LUZP2: variants seen among roughly 807,000 people sequenced by gnomAD.
LUZP2 encodes the protein leucine zipper protein 2.
LUZP2 carries 52 observed loss-of-function variants against 51.6 expected under a neutral mutation model. That is an observed-to-expected ratio of 1.01 (90% confidence interval 0.81 to 1.27). LUZP2 has a LOEUF of 1.27. Among genes scored for constraint, LUZP2 ranks in the 50% most tolerant of loss-of-function variants. LUZP2 has a pLI of 0.00. For synonymous variants in LUZP2, 154 were observed against 137.3 expected (o/e 1.12, Z -0.85); for missense variants, 436 against 395.4 (o/e 1.10, Z -0.87).
intron 5 of LUZP2, chr11:24,831,923 G>T (rs1050426255): frequency 1.3e-5 from 2 of 152,498 alleles, no homozygotes; most frequent in Non-Finnish European, 2.9e-5. Context: ...AAGAGACCAA[G>T]AGATCTCCAG....
intron 6 of LUZP2, among the ~76,000 whole-genome samples, chr11:24,914,259 A>G (rs911441715): frequency 2.0e-5 from 3 of 152,158 alleles, no homozygotes; most frequent in African/African-American, 7.2e-5. Flanking sequence ...TTTAAATAAC[A>G]TGTTTTAAAC....
At chr11:24,882,669 A>T (rs1852510033) in intron 5 of LUZP2, among the ~76,000 whole-genome samples, 1 of 152,026 alleles carries the variant, frequency 6.6e-6, no homozygotes, top group Non-Finnish European at 1.5e-5. Context: ...GTTAGATTAT[A>T]ATAAGCATGT....
chr11:24,750,681 GA>G (rs1859545959), intron 4 of LUZP2, among the ~76,000 whole-genome samples: 1 of 152,044 alleles, frequency 6.6e-6, no homozygotes, highest in South Asian at 2.1e-4. Context: ...TTTATGAGTA[GA>G]AGTTAAAAAT....
intron 9 of LUZP2, among the ~76,000 whole-genome samples, chr11:25,042,160 A>G (rs529698185): frequency 1.3e-5 from 2 of 152,300 alleles, no homozygotes; most frequent in South Asian, 4.1e-4. Context: ...AAATATGCAC[A>G]GACTATGGAA....
Position 24,652,417 on chromosome 11 carries a change from A to C in LUZP2, c.63-76752A>C, listed in dbSNP as rs562142987. On this transcript the variant is annotated intron_variant, in intron 1 of 11. Coordinates refer to ENST00000336930, the MANE Select transcript of LUZP2 (RefSeq NM_001009909.4). ...TTGGAGAATTCAGTAGAGAAGCCTC[A>C]ATCTTAGATGGACTATGAAGAATGC... 2.6e-5 allele frequency among the ~76,000 whole-genome samples: 4 copies of C among 152,238 alleles called. No individual in the cohort carries two copies. In the South Asian group the frequency reaches 8.3e-4, roughly 31 times the overall value.
chr11:24,964,730 CCTTATGAAAT>C (rs1435789938), intron 7 of LUZP2, among the ~76,000 whole-genome samples: 2 of 151,834 alleles, frequency 1.3e-5, no homozygotes, highest in African/African-American at 4.8e-5. Flanking sequence ...AGAATTTTGT[CCTTATGAAAT>C]CAATAAATTC....
chr11:24,972,134 A>T (rs1855754913), intron 7 of LUZP2, among the ~76,000 whole-genome samples: 1 of 71,588 alleles, frequency 1.4e-5, no homozygotes, highest in Non-Finnish European at 2.8e-5. Context: ...GCGGAGTGAG[A>T]CTCCGAAAAA....
intron 1 of LUZP2, among the ~76,000 whole-genome samples, chr11:24,619,259 C>G (rs1397979769): frequency 6.6e-6 from 1 of 152,086 alleles, no homozygotes; most frequent in Admixed American, 6.6e-5. Flanking sequence ...GTCTCAAACT[C>G]CTGGCTTCAC....
At chr11:25,026,565 G>A (rs539235710) in intron 9 of LUZP2, among the ~76,000 whole-genome samples, 2 of 152,082 alleles carry the variant, frequency 1.3e-5, no homozygotes, top group Non-Finnish European at 2.9e-5. Flanking sequence ...TTTTACAAAT[G>A]TCCAGTATTA....
intron 7 of LUZP2, among the ~76,000 whole-genome samples, chr11:24,924,751 T>A (rs1281965125): frequency 1.3e-5 from 2 of 152,078 alleles, no homozygotes; most frequent in Admixed American, 6.6e-5. Flanking sequence ...TTCAGAAAGG[T>A]GGAACAACTT....
intron 2 of LUZP2, among the ~76,000 whole-genome samples, chr11:24,730,209 G>C (rs1440009230): frequency 6.6e-6 from 1 of 151,692 alleles, no homozygotes; most frequent in Non-Finnish European, 1.5e-5. Context: ...TCCAGTGCTA[G>C]ATACTCTTTC....
intron 7 of LUZP2, among the ~76,000 whole-genome samples, chr11:24,963,391 G>C (rs1413866430): frequency 6.6e-6 from 1 of 152,310 alleles, no homozygotes; most frequent in Non-Finnish European, 1.5e-5. Context: ...AGGCAGACAG[G>C]CCTCCTTGAG....
chr11:24,602,062 GTA>G (rs1244030763), intron 1 of LUZP2, among the ~76,000 whole-genome samples: 6 of 140,564 alleles, frequency 4.3e-5, no homozygotes, highest in East Asian at 2.0e-4. Flanking sequence ...GTATATATGT[GTA>G]TATATATGCG....
chr11:24,914,640 A>G, intron 7 of LUZP2, 102 bp downstream of exon 7: 1 of 808,226 alleles, frequency 1.2e-6, no homozygotes, highest in Non-Finnish European at 2.0e-6. Flanking sequence ...TTTCTCATGA[A>G]TTGGAGTTGC....
At chr11:24,744,059 T>C in intron 4 of LUZP2, among the ~76,000 whole-genome samples, 1 of 152,274 alleles carries the variant, frequency 6.6e-6, no homozygotes, top group Non-Finnish European at 1.5e-5. Flanking sequence ...ATCCCTGGTA[T>C]AAAACCCACT....
chr11:24,998,492 G>A (rs1856576091), intron 9 of LUZP2, among the ~76,000 whole-genome samples: 3 of 152,170 alleles, frequency 2.0e-5, no homozygotes, highest in Non-Finnish European at 2.9e-5. Context: ...CTTTGCTGAA[G>A]TTGCTTATCA....
chr11:24,513,793 A>G (rs1360020259), intron 1 of LUZP2, among the ~76,000 whole-genome samples: 1 of 152,208 alleles, frequency 6.6e-6, no homozygotes, highest in Non-Finnish European at 1.5e-5. Flanking sequence ...CTCTTCTGGA[A>G]GATCACCACC....
chr11:24,827,895 A>T (rs1215159657), intron 5 of LUZP2, among the ~76,000 whole-genome samples: 1 of 152,126 alleles, frequency 6.6e-6, no homozygotes, highest in Non-Finnish European at 1.5e-5. Flanking sequence ...AGGGATGGAA[A>T]TGAATGTCAC....
intron 5 of LUZP2, among the ~76,000 whole-genome samples, chr11:24,768,932 G>A (rs2134046315): frequency 6.6e-6 from 1 of 152,310 alleles, no homozygotes; most frequent in African/African-American, 2.4e-5. Flanking sequence ...ATATGTTGAA[G>A]AGATGTCTGC....
Sources: gnomAD v4.1 joint callset for allele counts (sites outside exome capture counted in the v4.1 genomes callset) on GRCh38, gnomAD v4.1.1 for gene constraint, MANE v1.5 for transcripts, NCBI Gene and HGNC (gene_info 2026-07-23, HGNC 2026-07-21) for gene names.